Variants in PKHD1 observed in about 807,000 individuals in gnomAD.
PKHD1 encodes the protein PKHD1 ciliary IPT domain containing fibrocystin/polyductin.
PKHD1 carries 291 observed loss-of-function variants against 412.0 expected under a neutral mutation model. The observed-to-expected ratio is 0.71, with a 90% CI of 0.64 to 0.78. The LOEUF is 0.78. Ranked by LOEUF, PKHD1 falls within the 30% of genes least tolerant of loss-of-function variation. The pLI, the probability that PKHD1 is intolerant of heterozygous loss-of-function variation, is 0.00. For missense variants in PKHD1, 4,825 were observed against 4,950.7 expected (o/e 0.97, Z 0.76); for synonymous variants, 1,777 against 1,821.5 (o/e 0.98, Z 0.62).
chr6:52,024,733 C>T lies in PKHD1; in HGVS notation c.5077G>A (p.Val1693Met). Reference protein sequence around the residue: ...IDIFIGMSPCVGVSGNHTVLQ... With the variant: ...IDIFIGMSPCMGVSGNHTVLQ... ...ACGGTGTGGTTACCAGAGACACCCA[C>T]ACAGGGTGACATTCCTATAAAAATG... Residue 1693 changes from valine to methionine, a missense_variant, in exon 32 of 67, where the codon GTG becomes ATG. Physicochemically the swap from Val to Met is conservative, Grantham distance 21. Transcript: ENST00000371117. 2 of 1,614,194 alleles carry T rather than the reference C, an allele frequency of 1.2e-6. No homozygotes were observed. Among genetic ancestry groups the T allele is most frequent in the Non-Finnish European group, 1.7e-6 (2 of 1,180,040 alleles).
chr6:51,773,301 C>G (rs1790456995), intron 54 of PKHD1, among the ~76,000 whole-genome samples: 1 of 151,866 alleles, frequency 6.6e-6, no homozygotes, highest in Non-Finnish European at 1.5e-5. Flanking sequence ...TCCTTTGTTT[C>G]AAAATGCAGT....
At chr6:51,979,650 A>T (rs1431846855) in intron 35 of PKHD1, among the ~76,000 whole-genome samples, 2 of 151,458 alleles carry the variant, frequency 1.3e-5, no homozygotes, top group Non-Finnish European at 2.9e-5. Flanking sequence ...TGTAGAGCTT[A>T]GAAAAGAGCT....
intron 55 of PKHD1, among the ~76,000 whole-genome samples, chr6:51,756,650 G>C (rs1296722123): frequency 6.6e-6 from 1 of 152,118 alleles, no homozygotes; most frequent in Admixed American, 6.5e-5. Context: ...TTAATAAAAT[G>C]ATACATGCAC....
chr6:52,051,526 C>T (rs1021064178), intron 21 of PKHD1, among the ~76,000 whole-genome samples: 1 of 152,260 alleles, frequency 6.6e-6, no homozygotes, highest in African/African-American at 2.4e-5. Context: ...ATGTATGCTA[C>T]CCCCATCTTC....
intron 46 of PKHD1, among the ~76,000 whole-genome samples, 177 bp downstream of exon 46, chr6:51,882,916 G>A (rs1398081863): frequency 6.6e-6 from 1 of 152,124 alleles, no homozygotes; most frequent in Non-Finnish European, 1.5e-5. Flanking sequence ...GTATATATGA[G>A]TTCTATTATC....
intron 60 of PKHD1, among the ~76,000 whole-genome samples, chr6:51,738,466 T>A (rs997499717): frequency 6.6e-6 from 1 of 152,186 alleles, no homozygotes; most frequent in Admixed American, 6.5e-5. Context: ...TAATACTGTG[T>A]TGTAGTCACG....
chr6:52,030,464 G>A (rs1465179539), intron 29 of PKHD1, among the ~76,000 whole-genome samples: 2 of 152,278 alleles, frequency 1.3e-5, no homozygotes, highest in South Asian at 2.1e-4. Context: ...TCTCTACTGG[G>A]AAGTCTGAAG....
chr6:51,939,273 G>T (rs1209617564), intron 36 of PKHD1, among the ~76,000 whole-genome samples: 1 of 150,806 alleles, frequency 6.6e-6, no homozygotes, highest in Non-Finnish European at 1.5e-5. Context: ...TTTTCTGGGG[G>T]GCAAGAACGC....
At chr6:51,940,551 G>A (rs1010593904) in intron 36 of PKHD1, among the ~76,000 whole-genome samples, 1 of 151,638 alleles carries the variant, frequency 6.6e-6, no homozygotes. Flanking sequence ...ACTGAAAATC[G>A]GACTGTTCAA....
chr6:51,721,903 G>T, intron 60 of PKHD1: 3 of 1,606,622 alleles, frequency 1.9e-6, no homozygotes, highest in Non-Finnish European at 2.5e-6. Context: ...CTTTCCATTT[G>T]GTCCATGCTC....
At chr6:51,837,351 C>G (rs1769407665) in intron 50 of PKHD1, among the ~76,000 whole-genome samples, 3 of 152,146 alleles carry the variant, frequency 2.0e-5, no homozygotes, top group Admixed American at 6.6e-5. Flanking sequence ...TTTTGTTTTC[C>G]TGGAACCCTA....
chr6:51,786,878 T>C (rs1181822131), intron 53 of PKHD1, among the ~76,000 whole-genome samples: 3 of 152,192 alleles, frequency 2.0e-5, no homozygotes, highest in African/African-American at 7.2e-5. Context: ...TTTAAGCTTA[T>C]CTTAACTGTT....
chr6:51,863,971 A>G (rs1336038468), intron 48 of PKHD1, among the ~76,000 whole-genome samples: 1 of 152,194 alleles, frequency 6.6e-6, no homozygotes, highest in Non-Finnish European at 1.5e-5. Flanking sequence ...TTATAAGGAC[A>G]GACGGACAAT....
chr6:51,934,085 T>C, intron 37 of PKHD1, 25 bp downstream of exon 37: 1 of 1,545,574 alleles, frequency 6.5e-7, no homozygotes, highest in Non-Finnish European at 8.9e-7. Context: ...CTACTTCATT[T>C]CCTCTGATCA....
At chr6:52,008,464 T>C (rs916200156) in intron 35 of PKHD1, among the ~76,000 whole-genome samples, 1 of 152,218 alleles carries the variant, frequency 6.6e-6, no homozygotes, top group African/African-American at 2.4e-5. Flanking sequence ...TAGAGAACCT[T>C]GAACATGGTT....
At chr6:52,053,928 A>G in intron 20 of PKHD1, 110 bp downstream of exon 20, 1 of 1,119,250 alleles carries the variant, frequency 8.9e-7, no homozygotes, top group Non-Finnish European at 1.3e-6. Flanking sequence ...AAATTAGTGT[A>G]TGAGGCCCAA....
At chr6:52,058,724 A>G in intron 15 of PKHD1, 123 bp from the exon 16 acceptor site, 1 of 932,360 alleles carries the variant, frequency 1.1e-6, no homozygotes, top group Admixed American at 1.9e-5. Context: ...TTTTTAACAT[A>G]TTAACCCAGT....
intron 53 of PKHD1, among the ~76,000 whole-genome samples, chr6:51,786,782 G>A (rs538651841): frequency 6.6e-6 from 1 of 152,190 alleles, no homozygotes; most frequent in South Asian, 2.1e-4. Flanking sequence ...GTTTCTATAT[G>A]CCCAGTATCC....
At chr6:51,801,093 T>C (rs1421170650) in intron 52 of PKHD1, among the ~76,000 whole-genome samples, 1 of 152,216 alleles carries the variant, frequency 6.6e-6, no homozygotes, top group Non-Finnish European at 1.5e-5. Flanking sequence ...AGCTCCAAAG[T>C]GACTGCTTTA....
Sources: allele counts gnomAD v4.1 joint callset (sites outside exome capture counted in the v4.1 genomes callset), GRCh38; gene constraint gnomAD v4.1.1; transcripts MANE v1.5; gene names NCBI Gene and HGNC (gene_info 2026-07-23, HGNC 2026-07-21).